FLNB: variants seen among roughly 807,000 people sequenced by gnomAD.
FLNB encodes filamin-B.
FLNB carries 111 observed loss-of-function variants against 250.6 expected under a neutral mutation model. The observed-to-expected ratio is 0.44, with a 90% CI of 0.38 to 0.52. FLNB has a LOEUF of 0.52. Ranked by LOEUF, FLNB falls within the 20% of genes least tolerant of loss-of-function variation. The pLI is 0.00. For synonymous variants in FLNB, 1,302 were observed against 1,372.1 expected (o/e 0.95, Z 1.13); for missense variants, 2,869 against 3,447.8 (o/e 0.83, Z 4.20).
chr3:58,132,808 G>C lies in FLNB; in HGVS notation c.4391G>C (p.Gly1464Ala), dbSNP rs886044175. 18 of 1,613,988 alleles carry C rather than the reference G, an allele frequency of 1.1e-5. No individual in the cohort carries two copies. In the Middle Eastern group the frequency reaches 1.8e-3, roughly 162 times the overall value. Residue 1464 changes from glycine to alanine, a missense_variant and splice_region_variant, in exon 26 of 46, where the codon GGC (glycine) becomes GCC (alanine). Coordinates refer to ENST00000295956, the MANE Select transcript of FLNB (RefSeq NM_001457.4). ...PLEVRVLGPR[G>A]LVEPVNVVDN... ...TTAAACCTCTCATCTCTGTCCTCAGGCTTGGTGGAGCCAGTGAACGTGGTG... is the reference window on the plus strand; with the variant it reads ...TTAAACCTCTCATCTCTGTCCTCAGCCTTGGTGGAGCCAGTGAACGTGGTG...
chr3:58,106,581 A>C, intron 11 of FLNB, 99 bp from the exon 12 acceptor site: 1 of 1,121,198 alleles, frequency 8.9e-7, no homozygotes, highest in Non-Finnish European at 1.4e-6. Flanking sequence ...TCTGGCCAAC[A>C]CTTGGCTTTT....
In FLNB at chr3:58,110,042, C is replaced by A. The variant is rs201452322; in HGVS notation, c.2356C>A (p.Arg786=). The change falls in exon 16 of 46, where the codon CGG becomes AGG. Residue 786 remains arginine, a synonymous_variant. Transcript: ENST00000295956. ...CAGTGTTGGCATTAAGTGTGATGCC[C>A]GGGTGTTAAGTGAAGATGAGGAAGA... ...DVSVGIKCDA[R]VLSEDEEDVD... The A allele has an allele frequency of 1.2e-6, 2 of 1,614,030 alleles. No homozygotes were observed.
At chr3:58,082,265 T>G (rs557245847) in intron 4 of FLNB, among the ~76,000 whole-genome samples, 4 of 152,290 alleles carry the variant, frequency 2.6e-5, no homozygotes, top group Non-Finnish European at 4.4e-5. Context: ...CGGAACACCG[T>G]TTTGCTCAGA....
chr3:58,098,872 A>G lies in FLNB; in HGVS notation c.1309A>G (p.Ile437Val), dbSNP rs1182673965. The change falls in exon 8 of 46, where the codon ATT (isoleucine) becomes GTT (valine). Residue 437 changes from isoleucine to valine, a missense_variant. Ile to Val is a conservative substitution (Grantham distance 29). Coordinates refer to ENST00000295956, the MANE Select transcript of FLNB (RefSeq NM_001457.4). Reference protein sequence around the residue: ...VVKIFFAGDTIPKSPFVVQVG... With the variant: ...VVKIFFAGDTVPKSPFVVQVG... ...CAAGATCTTCTTTGCTGGGGACACT[A>G]TTCCTAAGAGTCCCTTCGTTGTGCA... 1 of 1,613,934 alleles carries G rather than the reference A, an allele frequency of 6.2e-7. No individual in the cohort carries two copies.
intron 12 of FLNB, 48 bp downstream of exon 12, chr3:58,106,921 C>G (rs2097260681): frequency 1.3e-6 from 2 of 1,539,546 alleles, no homozygotes; most frequent in Non-Finnish European, 1.8e-6. Flanking sequence ...GCCCCTGGTT[C>G]CTCACCCCCA....
intron 4 of FLNB, among the ~76,000 whole-genome samples, chr3:58,092,834 G>T (rs839224): frequency 6.6e-6 from 1 of 152,216 alleles, no homozygotes; most frequent in East Asian, 1.9e-4. Flanking sequence ...ACTCCTCTCA[G>T]TATTTCGCTT....
intron 25 of FLNB, chr3:58,131,980 T>C (rs1391917275): frequency 6.5e-7 from 1 of 1,537,184 alleles, no homozygotes; most frequent in South Asian, 1.2e-5. Context: ...CCTTTCAGAG[T>C]TCTTTAAAGG....
At chr3:58,089,863 T>G (rs1017764919) in intron 4 of FLNB, among the ~76,000 whole-genome samples, 12 of 152,184 alleles carry the variant, frequency 7.9e-5, no homozygotes, top group Admixed American at 5.2e-4. Context: ...CTTGGCTTAC[T>G]GCAACCTCTG....
chr3:58,050,645 G>T (rs1273629457), intron 1 of FLNB, among the ~76,000 whole-genome samples: 2 of 152,178 alleles, frequency 1.3e-5, no homozygotes, highest in Non-Finnish European at 2.9e-5. Flanking sequence ...GTGAGCAGAT[G>T]GGAGGCACTG....
chr3:58,156,279 A>G (rs1458619205), intron 41 of FLNB, among the ~76,000 whole-genome samples: 2 of 152,208 alleles, frequency 1.3e-5, no homozygotes, highest in Admixed American at 6.5e-5. Context: ...GGGCGAGCAA[A>G]AACAGAGCCA....
chr3:58,132,185 T>C (rs1449345637), intron 25 of FLNB: 1 of 619,544 alleles, frequency 1.6e-6, no homozygotes, highest in Non-Finnish European at 2.9e-6. Flanking sequence ...CGTTGGAAGC[T>C]GGGATCTGGA....
rs1226042146 is a variant in FLNB, at chr3:58,163,181, AT to A, written c.7050del (p.His2350GlnfsTer102). On this transcript the variant is annotated frameshift_variant, in exon 43 of 46. Transcript: ENST00000295956. LOFTEE classifies it high-confidence loss of function. ...AAGTATGCTGTTCGCTTCATCCCTC[AT>A]GAGAATGGTGTCCACACCATCGATG... ...PDKYAVRFIP[H>X]ENGVHTIDVK... The A allele has an allele frequency of 3.1e-6, 5 of 1,614,046 alleles. No homozygotes were observed. In the East Asian group the frequency reaches 1.1e-4, roughly 36 times the overall value.
intron 1 of FLNB, among the ~76,000 whole-genome samples, chr3:58,068,047 G>A (rs2106910882): frequency 6.6e-6 from 1 of 152,364 alleles, no homozygotes; most frequent in Non-Finnish European, 1.5e-5. Flanking sequence ...CGCTGTCTGG[G>A]CTCCTGGCTG....
At chr3:58,098,135 AC>A (rs2107059274) in intron 7 of FLNB, among the ~76,000 whole-genome samples, 158 bp downstream of exon 7, 1 of 152,324 alleles carries the variant, frequency 6.6e-6, no homozygotes, top group East Asian at 1.9e-4. Flanking sequence ...ATTTTTCAAA[AC>A]CAGCTTTTCT....
chr3:58,166,932 C>G (rs1315275144), intron 43 of FLNB, among the ~76,000 whole-genome samples: 1 of 152,162 alleles, frequency 6.6e-6, no homozygotes, highest in Non-Finnish European at 1.5e-5. Flanking sequence ...TCAAGACCAG[C>G]CTGGCCAACA....
intron 1 of FLNB, among the ~76,000 whole-genome samples, chr3:58,012,263 A>T (rs889229839): frequency 2.7e-5 from 4 of 150,304 alleles, no homozygotes; most frequent in African/African-American, 9.8e-5. Context: ...CACCGAAGGG[A>T]CGTTCAAAAT....
chr3:58,069,520 C>T lies in FLNB; in HGVS notation c.293-7526C>T, dbSNP rs567233144. Among the ~76,000 whole-genome samples the T allele has an allele frequency of 6.6e-4, 100 of 152,172 alleles. 1 individual carries two copies. In the South Asian group the frequency reaches 0.016, roughly 24 times the overall value. On this transcript the variant is annotated intron_variant, in intron 1 of 45. Coordinates refer to ENST00000295956, the MANE Select transcript of FLNB (RefSeq NM_001457.4). ...CCTCCCAAAGTGCTGGGATTATAGG[C>T]GTGAGCCACCATGCCCGGCCCATAG...
intron 1 of FLNB, among the ~76,000 whole-genome samples, chr3:58,072,793 CAG>C (rs1438344044): frequency 6.6e-6 from 1 of 152,174 alleles, no homozygotes; most frequent in Non-Finnish European, 1.5e-5. Context: ...CAATTGGAAA[CAG>C]AAATTCTGGG....
chr3:58,139,499 T>C (rs1039995500), intron 29 of FLNB, among the ~76,000 whole-genome samples: 1 of 152,190 alleles, frequency 6.6e-6, no homozygotes, highest in African/African-American at 2.4e-5. Flanking sequence ...ACTCCAAAGC[T>C]CAGGGACTTT....
Sources: gnomAD v4.1 joint callset for allele counts (sites outside exome capture counted in the v4.1 genomes callset) on GRCh38, gnomAD v4.1.1 for gene constraint, MANE v1.5 for transcripts, NCBI Gene and HGNC (gene_info 2026-07-23, HGNC 2026-07-21) for gene names.